The following GRIK1 variants were observed in gnomAD, a reference collection of about 807,000 sequenced individuals.
The protein encoded by GRIK1 is glutamate receptor ionotropic, kainate 1.
Under a neutral mutation model 105.7 loss-of-function variants are expected in GRIK1, and 69 were observed. The ratio of observed to expected loss-of-function variants is 0.65; its 90% CI spans 0.54 to 0.80. The LOEUF is 0.80. Among genes scored for constraint, GRIK1 ranks in the 30% least tolerant of loss-of-function variants. GRIK1 has a pLI of 0.00. For synonymous variants in GRIK1, 438 were observed against 431.3 expected (o/e 1.02, Z -0.19); for missense variants, 1,109 against 1,167.3 (o/e 0.95, Z 0.73).
At position 29,598,933 on chromosome 21, in the gene GRIK1, C is replaced by A. The variant is rs368404991; in HGVS notation, c.1103G>T (p.Arg368Leu). 6.6e-7 allele frequency: 1 copy of A among 1,514,794 alleles called. No homozygotes were observed. The highest frequency in any genetic ancestry group is 1.4e-5 in the African/African-American group (1 of 72,412). The allele number at this position is 1,514,794 out of a possible 1,614,324, so 93.8% of individuals were successfully genotyped here. A position where few individuals can be genotyped will look rare whatever the true frequency, so the allele number is the denominator to read the frequency against. The change falls in exon 8 of 18, where the codon CGG becomes CTG. Residue 368 changes from arginine to leucine, a missense_variant. Physicochemically the swap from Arg to Leu is moderately radical, Grantham distance 102. Around this residue, in one of 5 missense-constraint regions of GRIK1, gnomAD observed 612 missense variants for 586.0 expected, o/e 1.04. Coordinates refer to ENST00000327783, the MANE Select transcript of GRIK1 (RefSeq NM_001330994.2). ...GATATGCCCAGTCAAGCCATCCCAC[C>A]GGGCCTGTGGACAAGAAGAAATGTG... ...PRFMNLIKEARWDGLTGHITF... is the reference protein window; with the variant it reads ...PRFMNLIKEALWDGLTGHITF...
chr21:29,859,837 G>A (rs952899225), intron 1 of GRIK1, among the ~76,000 whole-genome samples: 2 of 152,178 alleles, frequency 1.3e-5, no homozygotes, highest in African/African-American at 2.4e-5. Flanking sequence ...ATCTGGGAGA[G>A]CCCAGGCAGG....
intron 1 of GRIK1, among the ~76,000 whole-genome samples, chr21:29,929,063 G>T (rs529001366): frequency 6.6e-5 from 10 of 152,274 alleles, no homozygotes; most frequent in Non-Finnish European, 1.2e-4. Context: ...ACATCTTCAT[G>T]CAGCATATCA....
chr21:29,689,455 T>C (rs2063543555), intron 3 of GRIK1, among the ~76,000 whole-genome samples: 1 of 152,182 alleles, frequency 6.6e-6, no homozygotes, highest in South Asian at 2.1e-4. Flanking sequence ...AATATTGTGA[T>C]TGGATTATAA....
intron 3 of GRIK1, among the ~76,000 whole-genome samples, chr21:29,679,530 G>A (rs1385259022): frequency 2.6e-5 from 4 of 152,140 alleles, no homozygotes; most frequent in Admixed American, 2.6e-4. Flanking sequence ...TTAACTGCCT[G>A]TTCTTACCCT....
In GRIK1 at chr21:29,587,374, C is replaced by T. The variant is rs1207903203; in HGVS notation, c.1785G>A (p.Val595=). ...ACLGVSCVLF[V]IARFTPYEWY... ...GTGATTCTCAAACTTACCTTGCAAT[C>T]ACAAAGAGTACACAGCTGACTCCCA... Residue 595 remains valine, a synonymous_variant, in exon 12 of 18, where the codon GTG becomes GTA. Coordinates refer to ENST00000327783, the MANE Select transcript of GRIK1 (RefSeq NM_001330994.2). The T allele has an allele frequency of 6.2e-7, 1 of 1,602,586 alleles. No homozygotes were observed. Among genetic ancestry groups the T allele is most frequent in the Non-Finnish European group, 8.6e-7 (1 of 1,169,576 alleles).
At chr21:29,820,399 A>G (rs1285215626) in intron 1 of GRIK1, among the ~76,000 whole-genome samples, 1 of 152,086 alleles carries the variant, frequency 6.6e-6, no homozygotes, top group East Asian at 1.9e-4. Context: ...CTTTTCAATG[A>G]TAATGAAGAA....
intron 1 of GRIK1, among the ~76,000 whole-genome samples, chr21:29,717,564 G>C (rs1203243440): frequency 6.6e-6 from 1 of 152,254 alleles, no homozygotes; most frequent in Non-Finnish European, 1.5e-5. Context: ...TTGGAGTTTG[G>C]ACTTGCTTGG....
intron 1 of GRIK1, among the ~76,000 whole-genome samples, chr21:29,871,439 TTAAG>T (rs1304263527): frequency 2.0e-5 from 3 of 152,288 alleles, no homozygotes. Flanking sequence ...AACAACTTGT[TTAAG>T]TAGCTATTTA....
At chr21:29,902,278 T>G (rs936758126) in intron 1 of GRIK1, among the ~76,000 whole-genome samples, 1 of 152,190 alleles carries the variant, frequency 6.6e-6, no homozygotes, top group Non-Finnish European at 1.5e-5. Context: ...TTCAGCGTAG[T>G]ATTGGAAGTT....
At chr21:29,877,173 G>A (rs529992854) in intron 1 of GRIK1, among the ~76,000 whole-genome samples, 42 of 151,978 alleles carry the variant, frequency 2.8e-4, no homozygotes, top group Non-Finnish European at 5.7e-4. Flanking sequence ...TTCTCCTCTA[G>A]GGCCTGCAGT....
intron 8 of GRIK1, chr21:29,596,899 A>G (rs1169442452): frequency 3.2e-6 from 1 of 315,256 alleles, no homozygotes; most frequent in African/African-American, 2.1e-5. Context: ...GACCCTTTTA[A>G]GGCATTGGTA....
At chr21:29,672,161 G>A (rs866331284) in intron 4 of GRIK1, among the ~76,000 whole-genome samples, 1 of 150,818 alleles carries the variant, frequency 6.6e-6, no homozygotes, top group South Asian at 2.1e-4. Flanking sequence ...GGGTTCAAGC[G>A]ATTCTCCTGC....
At position 29,818,124 on chromosome 21, in the gene GRIK1, C is replaced by T. The variant is rs187702609; in HGVS notation, c.118+121259G>A. Reference sequence around the variant, plus strand: ...CTAAGGATGGAAATTTAGGGAAAACCCTATGTTGACTTTAAAGTGAAATAT... The same window carrying T: ...CTAAGGATGGAAATTTAGGGAAAACTCTATGTTGACTTTAAAGTGAAATAT... On this transcript the variant is annotated intron_variant, in intron 1 of 17. Transcript: ENST00000327783. 2.9e-3 allele frequency among the ~76,000 whole-genome samples: 435 copies of T among 152,130 alleles called. 6 individuals carry two copies. Among genetic ancestry groups the T allele is most frequent in the Non-Finnish European group, 4.7e-3 (322 of 67,988 alleles).
At chr21:29,910,774 A>T (rs1227434225) in intron 1 of GRIK1, among the ~76,000 whole-genome samples, 3 of 318 alleles carry the variant, frequency 9.4e-3, no homozygotes, top group Non-Finnish European at 0.05. Context: ...TGCTTGTAGT[A>T]ATTTTACACG....
Position 29,714,683 on chromosome 21 carries a change from G to A in GRIK1, c.119-20620C>T, listed in dbSNP as rs745717527. Among the ~76,000 whole-genome samples the A allele has an allele frequency of 2.0e-5, 3 of 152,136 alleles. No homozygotes were observed. In the East Asian group the frequency reaches 5.8e-4, roughly 29 times the overall value. ...AGATGCAAATCAGAGAGCACCTCAG[G>A]CAATGTCATTGCAAGGGCTGGGGAA... is the stretch of plus-strand genomic sequence containing the variant. On this transcript the variant is annotated intron_variant, in intron 1 of 17. Coordinates refer to ENST00000327783, the MANE Select transcript of GRIK1 (RefSeq NM_001330994.2).
At chr21:29,835,653 T>C (rs891037601) in intron 1 of GRIK1, among the ~76,000 whole-genome samples, 2 of 152,206 alleles carry the variant, frequency 1.3e-5, no homozygotes, top group African/African-American at 2.4e-5. Flanking sequence ...CCTCTCGGGA[T>C]CTTTAAGGCT....
In GRIK1 at chr21:29,939,921, C is replaced by A. The variant is rs1206311295; in HGVS notation, c.-421G>T. ...AGGGAAAAGGGGGAAAGAAGACTAA[C>A]GAAGAAGGAGAGAGGGTACAGGGTG... On this transcript the variant is annotated 5_prime_UTR_variant, in exon 1 of 18. Transcript: ENST00000327783. The A allele has an allele frequency of 1.9e-5, 3 of 158,150 alleles. No homozygotes were observed. Among genetic ancestry groups the A allele is most frequent in the Non-Finnish European group, 4.2e-5 (3 of 72,288 alleles). 9.8% of individuals were successfully genotyped at this position (158,150 alleles called of 1,614,324 possible).
At chr21:29,580,142 CATAT>C (rs3054306) in intron 13 of GRIK1, among the ~76,000 whole-genome samples, 2 of 140,238 alleles carry the variant, frequency 1.4e-5, no homozygotes, top group Admixed American at 1.4e-4. Flanking sequence ...CATATATATA[CATAT>C]ATATATACAC....
At chr21:29,654,166 T>C in intron 5 of GRIK1, among the ~76,000 whole-genome samples, 1 of 152,022 alleles carries the variant, frequency 6.6e-6, no homozygotes, top group East Asian at 1.9e-4. Context: ...TGTCACTGAT[T>C]TCTGAAATTG....
Sources: allele counts gnomAD v4.1 joint callset (sites outside exome capture counted in the v4.1 genomes callset), GRCh38; gene constraint gnomAD v4.1.1; regional missense constraint gnomAD v4.1.1; transcripts MANE v1.5; gene names NCBI Gene and HGNC (gene_info 2026-07-23, HGNC 2026-07-21).